The following CLYBL variants were observed in gnomAD, a reference collection of about 807,000 sequenced individuals.
The protein encoded by CLYBL is citramalyl-CoA lyase.
In CLYBL, 31 loss-of-function variants were observed where a neutral mutation model predicts 38.9. That is an observed-to-expected ratio of 0.80 (90% CI 0.60 to 1.08). The LOEUF is 1.08. Among genes scored for constraint, CLYBL ranks in the 50% least tolerant of loss-of-function variants. The probability of loss-of-function intolerance (pLI) is 0.00; values close to 1 mark genes in which losing one functional copy is unlikely to be tolerated. For missense variants in CLYBL, 434 were observed against 411.6 expected, an observed-to-expected ratio of 1.05 and a Z score of -0.47; for synonymous variants, 171 against 158.6, an observed-to-expected ratio of 1.08 and a Z score of -0.59.
At chr13:99,618,030 G>A (rs139928200) in intron 1 of CLYBL, among the ~76,000 whole-genome samples, 5 of 152,202 alleles carry the variant, frequency 3.3e-5, no homozygotes, top group African/African-American at 1.2e-4. Context: ...CATATCACAT[G>A]CTTATTTGTT....
intron 7 of CLYBL, among the ~76,000 whole-genome samples, chr13:99,875,040 C>T (rs943913364): frequency 1.3e-5 from 2 of 152,154 alleles, no homozygotes; most frequent in Non-Finnish European, 2.9e-5. Flanking sequence ...CATGGCTGTA[C>T]GTGCTTTGTT....
At chr13:99,848,094 T>A (rs1320693943) in intron 2 of CLYBL, among the ~76,000 whole-genome samples, 6 of 152,126 alleles carry the variant, frequency 3.9e-5, no homozygotes. Context: ...CTTTGCCCAT[T>A]TCTGGCTCTC....
At chr13:99,896,112 G>T (rs1430173936), downstream of CLYBL, 1 of 151,064 alleles carries the variant, frequency 6.6e-6, no homozygotes, top group Non-Finnish European at 1.5e-5. Context: ...GCCGAGGCCG[G>T]GCCAGGAGGA....
chr13:99,771,056 C>T (rs2049383925), intron 1 of CLYBL, among the ~76,000 whole-genome samples: 1 of 111,118 alleles, frequency 9.0e-6, no homozygotes, highest in Non-Finnish European at 1.7e-5. Flanking sequence ...TTTTTTGAGG[C>T]AAGGTATTGC....
intron 1 of CLYBL, among the ~76,000 whole-genome samples, chr13:99,679,854 G>A (rs569760945): frequency 1.5e-3 from 227 of 152,028 alleles, no homozygotes; most frequent in African/African-American, 5.4e-3. Flanking sequence ...GTTATTAAAC[G>A]TCATTCAAAG....
intron 1 of CLYBL, among the ~76,000 whole-genome samples, chr13:99,687,881 C>T (rs990736852): frequency 6.6e-6 from 1 of 152,178 alleles, no homozygotes; most frequent in Admixed American, 6.5e-5. Context: ...TGCTTCTGTT[C>T]TAATTTCTAA....
intron 1 of CLYBL, among the ~76,000 whole-genome samples, chr13:99,763,159 T>G (rs1475115526): frequency 1.3e-5 from 2 of 152,196 alleles, no homozygotes; most frequent in Non-Finnish European, 2.9e-5. Flanking sequence ...TACCCTTTAT[T>G]TTTTTCTCTT....
At chr13:99,615,526 T>C (rs1310813964) in intron 1 of CLYBL, among the ~76,000 whole-genome samples, 7 of 152,256 alleles carry the variant, frequency 4.6e-5, no homozygotes. Context: ...TCCTCATTAA[T>C]TCCACACATT....
At chr13:99,881,587 T>A (rs1209703894) in intron 7 of CLYBL, among the ~76,000 whole-genome samples, 2 of 150,260 alleles carry the variant, frequency 1.3e-5, no homozygotes, top group Non-Finnish European at 2.9e-5. Flanking sequence ...CACATCCAGT[T>A]AATTTTTTTT....
chr13:99,786,927 T>C (rs1409735178), intron 2 of CLYBL, among the ~76,000 whole-genome samples: 1 of 152,056 alleles, frequency 6.6e-6, no homozygotes, highest in East Asian at 1.9e-4. Context: ...TATCTCATTG[T>C]GGTTTTGATT....
In CLYBL at chr13:99,832,676, G is replaced by C. The variant is rs575649623; in HGVS notation, c.250-26185G>C. 1.1e-4 allele frequency among the ~76,000 whole-genome samples: 17 copies of C among 152,100 alleles called. No homozygotes were observed. The East Asian group carries it at 3.3e-3, about 30-fold the overall frequency. ...AAGAACTCATCCCTTAAGTGGACTGGGCAAGCTGGCCATTTACCACTTGTC... is the reference window on the plus strand; with the variant it reads ...AAGAACTCATCCCTTAAGTGGACTGCGCAAGCTGGCCATTTACCACTTGTC... On this transcript the variant is annotated intron_variant, in intron 2 of 8. Transcript: ENST00000339105.
chr13:99,743,745 T>G (rs910543164), intron 1 of CLYBL, among the ~76,000 whole-genome samples: 1 of 152,154 alleles, frequency 6.6e-6, no homozygotes, highest in Non-Finnish European at 1.5e-5. Flanking sequence ...TCTTAATTAG[T>G]GGGAATCACA....
chr13:99,648,309 A>T (rs372320077), intron 1 of CLYBL, among the ~76,000 whole-genome samples: 15 of 152,350 alleles, frequency 9.8e-5, no homozygotes, highest in African/African-American at 3.4e-4. Flanking sequence ...TCTCAACGCC[A>T]TGGACTATTC....
At chr13:99,845,142 A>G (rs779472860) in intron 2 of CLYBL, among the ~76,000 whole-genome samples, 14 of 152,306 alleles carry the variant, frequency 9.2e-5, no homozygotes, top group Non-Finnish European at 1.8e-4. Flanking sequence ...CAGAACTTCC[A>G]GCCCAGGAGA....
intron 1 of CLYBL, among the ~76,000 whole-genome samples, chr13:99,630,803 T>C (rs1160203397): frequency 1.3e-5 from 2 of 152,198 alleles, no homozygotes; most frequent in Admixed American, 1.3e-4. Context: ...TGTACTTTTA[T>C]ACATTCATAT....
intron 1 of CLYBL, among the ~76,000 whole-genome samples, chr13:99,680,585 T>C (rs576823824): frequency 6.6e-6 from 1 of 152,314 alleles, no homozygotes; most frequent in Non-Finnish European, 1.5e-5. Flanking sequence ...TTGTCATCAC[T>C]AGTCGAAAAG....
intron 1 of CLYBL, among the ~76,000 whole-genome samples, chr13:99,758,675 G>GCCA (rs1451989492): frequency 6.6e-6 from 1 of 152,166 alleles, no homozygotes; most frequent in Non-Finnish European, 1.5e-5. Flanking sequence ...CTGGGCTTCT[G>GCCA]CCACCTGCCC....
intron 1 of CLYBL, among the ~76,000 whole-genome samples, chr13:99,669,809 G>A (rs2047538187): frequency 6.6e-6 from 1 of 152,190 alleles, no homozygotes; most frequent in Admixed American, 6.5e-5. Context: ...TACTCAATCT[G>A]TTAAGTTTCC....
intron 1 of CLYBL, among the ~76,000 whole-genome samples, chr13:99,675,045 GTC>G (rs989839346): frequency 2.0e-5 from 3 of 152,106 alleles, no homozygotes; most frequent in Non-Finnish European, 2.9e-5. Context: ...ACCAGACCCT[GTC>G]TCTTAAAAAA....
Sources: allele counts gnomAD v4.1 joint callset (sites outside exome capture counted in the v4.1 genomes callset), GRCh38; gene constraint gnomAD v4.1.1; transcripts MANE v1.5; gene names NCBI Gene and HGNC (gene_info 2026-07-23, HGNC 2026-07-21).